The following LTBP2 variants were observed in gnomAD, a reference collection of about 807,000 sequenced individuals.
The protein encoded by LTBP2 is latent-transforming growth factor beta-binding protein 2.
LTBP2 carries 103 observed loss-of-function variants against 210.6 expected under a neutral mutation model. The observed-to-expected ratio is 0.49, with a 90% CI of 0.42 to 0.58. The LOEUF (loss-of-function observed/expected upper bound fraction) is 0.58. Ranked by LOEUF, LTBP2 falls within the 20% of genes least tolerant of loss-of-function variation. LTBP2 has a pLI of 0.00. For missense variants in LTBP2, 2,313 were observed against 2,494.5 expected (o/e 0.93, Z 1.55); for synonymous variants, 1,007 against 1,015.0 (o/e 0.99, Z 0.15).
chr14:74,569,094 C>T (rs2087939410), intron 3 of LTBP2, among the ~76,000 whole-genome samples: 2 of 147,642 alleles, frequency 1.4e-5, no homozygotes, highest in South Asian at 4.3e-4. Context: ...TGGATGTGAG[C>T]TCTTAGAGGC....
At chr14:74,574,075 G>GTGGGT (rs1255437878) in intron 3 of LTBP2, among the ~76,000 whole-genome samples, 1 of 152,162 alleles carries the variant, frequency 6.6e-6, no homozygotes, top group Non-Finnish European at 1.5e-5. Context: ...TCCATCAATG[G>GTGGGT]TGGGTTAGAA....
intron 9 of LTBP2, among the ~76,000 whole-genome samples, chr14:74,535,719 C>A (rs533312790): frequency 5.9e-5 from 9 of 152,044 alleles, no homozygotes; most frequent in Admixed American, 5.9e-4. Flanking sequence ...GGGGAGGTGT[C>A]GGCCCCCTTG....
At chr14:74,534,053 G>A (rs1036321836) in intron 9 of LTBP2, among the ~76,000 whole-genome samples, 3 of 152,174 alleles carry the variant, frequency 2.0e-5, no homozygotes, top group Non-Finnish European at 4.4e-5. Flanking sequence ...GCACCAAGGG[G>A]CACTACTCCT....
chr14:74,605,484 C>T (rs1425670082), intron 1 of LTBP2, among the ~76,000 whole-genome samples: 1 of 152,190 alleles, frequency 6.6e-6, no homozygotes, highest in Non-Finnish European at 1.5e-5. Context: ...GCTTGTCAGA[C>T]CCAGAGTTTC....
chr14:74,576,640 T>C (rs1294611587), intron 3 of LTBP2, among the ~76,000 whole-genome samples: 1 of 151,594 alleles, frequency 6.6e-6, no homozygotes, highest in Admixed American at 6.5e-5. Context: ...ACTGTACAAC[T>C]CTTGGGGTAC....
rs1173438033 is a variant in LTBP2 at position 74,551,049 on chromosome 14, G to C, written c.1686+15C>G. The C allele has an allele frequency of 1.2e-6, 2 of 1,613,428 alleles. No individual in the cohort carries two copies. Among genetic ancestry groups the C allele is most frequent in the South Asian group, 1.1e-5 (1 of 91,072 alleles). On this transcript the variant is annotated intron_variant, in intron 7 of 35. Transcript: ENST00000261978. ...CTGGAAGCATCCAGGGCTGAGGCCA[G>C]AGCTGTGTTCTCACCTGTCCGTTCA...
intron 16 of LTBP2, 136 bp downstream of exon 16, chr14:74,522,654 G>C (rs1178560384): frequency 9.5e-7 from 1 of 1,048,018 alleles, no homozygotes; most frequent in Non-Finnish European, 1.3e-6. Context: ...CACAGGGACT[G>C]TGCTCCTCCT....
At chr14:74,518,589 G>A (rs1274183910) in intron 17 of LTBP2, among the ~76,000 whole-genome samples, 1 of 152,190 alleles carries the variant, frequency 6.6e-6, no homozygotes, top group African/African-American at 2.4e-5. Context: ...ATGGGAACAT[G>A]CCTTATTATC....
chr14:74,519,332 G>A (rs565799824), intron 17 of LTBP2, among the ~76,000 whole-genome samples: 1 of 152,122 alleles, frequency 6.6e-6, no homozygotes, highest in African/African-American at 2.4e-5. Context: ...GACTCCTAAA[G>A]AGCCCCAGGA....
At position 74,586,741 on chromosome 14, in the gene LTBP2, A is replaced by G. The variant is rs952316652; in HGVS notation, c.566-623T>C. ...GTCCTTCAAAGGCACCTTCAGCTTGACGGTCTCTCCTCTCCTTCCCATTGT... is the reference window on the plus strand; with the variant it reads ...GTCCTTCAAAGGCACCTTCAGCTTGGCGGTCTCTCCTCTCCTTCCCATTGT... On this transcript the variant is annotated intron_variant, in intron 2 of 35. Transcript: ENST00000261978. This position sits in a 1 kb window ranked among gnomAD's most constrained non-coding sequence, Gnocchi z 4.6. Among the ~76,000 whole-genome samples the G allele has an allele frequency of 1.3e-5, 2 of 152,032 alleles. No individual in the cohort carries two copies. The highest frequency in any genetic ancestry group is 4.8e-5 in the African/African-American group (2 of 41,382).
chr14:74,521,762 G>T, intron 17 of LTBP2, 149 bp downstream of exon 17: 1 of 1,104,482 alleles, frequency 9.1e-7, no homozygotes, highest in Non-Finnish European at 1.3e-6. Context: ...CCCAGATCCA[G>T]GCTGGAGTTC....
chr14:74,501,777 A>G (rs2139685391), intron 34 of LTBP2, 187 bp from the exon 35 acceptor site: 2 of 687,484 alleles, frequency 2.9e-6, no homozygotes, highest in Non-Finnish European at 4.8e-6. Flanking sequence ...AAAAAAAAGT[A>G]TGTGTCATTT....
At chr14:74,578,932 T>G (rs1350035071) in intron 3 of LTBP2, among the ~76,000 whole-genome samples, 1 of 152,252 alleles carries the variant, frequency 6.6e-6, no homozygotes, top group Non-Finnish European at 1.5e-5. Flanking sequence ...CTTGGCTCAC[T>G]GCAACCTCTG....
In LTBP2 at chr14:74,502,923, G is replaced by A; in HGVS notation, c.4900C>T (p.Gln1634Ter). ...TCAATGCGAGCCACGTTGCACAGCT[G>A]AGCATAGACCTCTGTCAGGGAGGAG... Reference protein sequence around the residue: ...CPPRSSEVYAQLCNVARIEAE... With the variant: ...CPPRSSEVYA The change falls in exon 34 of 36, where the codon CAG (glutamine) becomes TAG (stop). Residue 1634 changes from glutamine (Q) to a stop codon, truncating the protein, a stop_gained. Coordinates refer to ENST00000261978, the MANE Select transcript of LTBP2 (RefSeq NM_000428.3). LOFTEE classifies it high-confidence loss of function. 1 of 1,612,018 alleles carries A rather than the reference G, an allele frequency of 6.2e-7. No homozygotes were observed. Among genetic ancestry groups the A allele is most frequent in the Non-Finnish European group, 8.5e-7 (1 of 1,179,946 alleles).
intron 3 of LTBP2, among the ~76,000 whole-genome samples, chr14:74,564,373 A>ATTTATATT (rs1298633344): frequency 1.3e-5 from 1 of 74,120 alleles, no homozygotes; most frequent in African/African-American, 5.4e-5. Context: ...ATATTTATAT[A>ATTTATATT]TATATATTTA....
At chr14:74,605,860 G>C (rs2088518493) in intron 1 of LTBP2, among the ~76,000 whole-genome samples, 1 of 152,136 alleles carries the variant, frequency 6.6e-6, no homozygotes, top group African/African-American at 2.4e-5. Flanking sequence ...AGAATCAAAG[G>C]CTGCCAGGCA....
intron 3 of LTBP2, among the ~76,000 whole-genome samples, chr14:74,574,941 C>T (rs554571343): frequency 9.2e-5 from 14 of 152,266 alleles, no homozygotes; most frequent in East Asian, 5.8e-4. Flanking sequence ...GGGGAGAAGG[C>T]GGGGCCTCCT....
chr14:74,510,803 C>T (rs950201482), intron 19 of LTBP2, among the ~76,000 whole-genome samples: 3 of 152,242 alleles, frequency 2.0e-5, no homozygotes, highest in African/African-American at 7.2e-5. Flanking sequence ...AGAGCACACG[C>T]CTCCTACTGC....
At position 74,506,060 on chromosome 14, in the gene LTBP2, G is replaced by A. The variant is rs772681666; in HGVS notation, c.4165C>T (p.Arg1389Trp). The change falls in exon 28 of 36, where the codon CGG becomes TGG. Residue 1389 changes from arginine to tryptophan, a missense_variant. Around this residue, in one of 3 missense-constraint regions of LTBP2, gnomAD observed 1,867 missense variants for 1,976.9 expected, o/e 0.94. Transcript: ENST00000261978. ...YDAQEGHCRP[R>W]GAGGQSMSEA... ...TCCCAGGCCTCACCTCCAGCCCCCC[G>A]TGGGCGGCAGTGCCCCTCCTGGGCA... The A allele has an allele frequency of 1.5e-5, 24 of 1,613,960 alleles. No individual in the cohort carries two copies. In the Middle Eastern group the frequency reaches 4.9e-4, roughly 33 times the overall value.
Sources: allele counts gnomAD v4.1 joint callset (sites outside exome capture counted in the v4.1 genomes callset), GRCh38; gene constraint gnomAD v4.1.1; regional missense constraint gnomAD v4.1.1; non-coding constraint Gnocchi (gnomAD v3.1); transcripts MANE v1.5; gene names NCBI Gene and HGNC (gene_info 2026-07-23, HGNC 2026-07-21).